The following PCDHGA1 variants were observed in gnomAD, a reference collection of about 807,000 sequenced individuals.
PCDHGA1 encodes protocadherin gamma-A1.
In PCDHGA1, 32 loss-of-function variants were observed where a neutral mutation model predicts 58.0. That is an observed-to-expected ratio of 0.55 (90% CI 0.42 to 0.74). PCDHGA1 has a LOEUF of 0.74. PCDHGA1 is among the 30% of genes least tolerant of loss of function. The pLI is 0.00. For missense variants in PCDHGA1, 1,205 were observed against 1,182.3 expected (o/e 1.02, Z -0.28); for synonymous variants, 498 against 501.1 (o/e 0.99, Z 0.08).
At chr5:141,495,255 G>A (rs1055329757) in intron 2 of PCDHGA1, among the ~76,000 whole-genome samples, 5 of 152,212 alleles carry the variant, frequency 3.3e-5, no homozygotes, top group African/African-American at 1.2e-4. Flanking sequence ...GGCTCAGGCA[G>A]AAAAGCATTT....
rs1429845987 is a variant in PCDHGA1 at position 141,330,909 on chromosome 5, C to T, written c.225C>T (p.Phe75=). 1.9e-6 allele frequency: 3 copies of T among 1,614,214 alleles called. No homozygotes were observed. The highest frequency in any genetic ancestry group is 2.2e-5 in the South Asian group (2 of 91,092). Residue 75 remains phenylalanine (F), a synonymous_variant, in exon 1 of 4, where the codon TTC becomes TTT. Transcript: ENST00000517417. ...TCTCCAGAGGTAGGATGCCGCTTTT[C>T]GCTCTGAATCCTAGAAGTGGCAGCT... The part of the protein sequence containing the change: ...RIVSRGRMPL[F]ALNPRSGSLI...
intron 1 of PCDHGA1, among the ~76,000 whole-genome samples, chr5:141,338,211 G>A (rs902645161): frequency 6.6e-6 from 1 of 151,952 alleles, no homozygotes; most frequent in African/African-American, 2.4e-5. Flanking sequence ...CAACCTTCAC[G>A]CTTGAGACCA....
At chr5:141,404,002 A>G in intron 1 of PCDHGA1, 2 of 1,613,928 alleles carry the variant, frequency 1.2e-6, no homozygotes, top group South Asian at 1.1e-5. Context: ...TGACCATTAC[A>G]TCTCTGTTTA....
At chr5:141,389,328 A>T in intron 1 of PCDHGA1, 1 of 1,613,972 alleles carries the variant, frequency 6.2e-7, no homozygotes. Flanking sequence ...CTTGGGGCCC[A>T]ACGGCCAAGT....
intron 1 of PCDHGA1, chr5:141,389,471 A>C: frequency 6.2e-7 from 1 of 1,613,210 alleles, no homozygotes; most frequent in Non-Finnish European, 8.5e-7. Context: ...TCGAACTCAC[A>C]CTGCAGGCCC....
chr5:141,415,514 C>G, intron 1 of PCDHGA1: 2 of 1,614,178 alleles, frequency 1.2e-6, no homozygotes, highest in Non-Finnish European at 8.5e-7. Flanking sequence ...CCCAATTATG[C>G]GGACACGCTC....
At position 141,344,977 on chromosome 5, in the gene PCDHGA1, A is replaced by G. The variant is rs368613508; in HGVS notation, c.2421+11872A>G. 14 of 1,613,822 alleles carry G rather than the reference A, an allele frequency of 8.7e-6. No homozygotes were observed. The African/African-American group carries it at 1.6e-4, about 18-fold the overall frequency. ...CTAGATTATGAGGATGCCATGTTCT[A>G]TGAAATTAAAATTGAAGCACAGGAT... On this transcript the variant is annotated intron_variant, in intron 1 of 3. Transcript: ENST00000517417.
intron 1 of PCDHGA1, chr5:141,415,696 G>A (rs867312295): frequency 2.9e-6 from 4 of 1,397,470 alleles, no homozygotes; most frequent in Non-Finnish European, 3.8e-6. Flanking sequence ...GGTGGAAAGT[G>A]TAAATGCTAA....
intron 1 of PCDHGA1, chr5:141,362,678 T>C: frequency 8.3e-7 from 1 of 1,209,742 alleles, no homozygotes; most frequent in Admixed American, 2.9e-5. Flanking sequence ...GCCTTAATTG[T>C]CTTAATCTTA....
Position 141,477,289 on chromosome 5 carries a change from T to G in PCDHGA1, c.2422-17518T>G, listed in dbSNP as rs759477848. On this transcript the variant is annotated intron_variant, in intron 1 of 3. Coordinates refer to ENST00000517417, the MANE Select transcript of PCDHGA1 (RefSeq NM_018912.3). The surrounding 1 kb of genome is among the most constrained non-coding windows in gnomAD (Gnocchi z 4.9). ...AGAACGGGCTGGTGACCTGCGAAGT[T>G]CCACCGGGTCTCCCTTTCAGCCTTA... The G allele has an allele frequency of 3.2e-5, 52 of 1,614,046 alleles. No individual in the cohort carries two copies. Among genetic ancestry groups the G allele is most frequent in the Non-Finnish European group, 4.2e-5 (50 of 1,180,040 alleles).
intron 1 of PCDHGA1, chr5:141,383,722 G>C (rs752091789): frequency 1.2e-6 from 2 of 1,613,934 alleles, no homozygotes; most frequent in East Asian, 4.5e-5. Flanking sequence ...GGGAGTCAAT[G>C]GGGAAGTGAC....
At chr5:141,423,025 G>A in intron 1 of PCDHGA1, 1 of 1,614,222 alleles carries the variant, frequency 6.2e-7, no homozygotes, top group Non-Finnish European at 8.5e-7. Context: ...CAAAGATTCA[G>A]GCCAGAACGC....
intron 1 of PCDHGA1, chr5:141,346,178 G>C (rs770120119): frequency 1.9e-6 from 3 of 1,614,056 alleles, no homozygotes; most frequent in South Asian, 2.2e-5. Context: ...TGGCGCTCAG[G>C]CTGCGGCGCT....
chr5:141,365,466 A>T (rs1456535652), intron 1 of PCDHGA1: 2 of 1,614,016 alleles, frequency 1.2e-6, no homozygotes, highest in Non-Finnish European at 1.7e-6. Context: ...TCTGGAGAAA[A>T]TGGTGAGATT....
intron 1 of PCDHGA1, chr5:141,372,764 T>C: frequency 6.2e-7 from 1 of 1,612,408 alleles, no homozygotes; most frequent in Non-Finnish European, 8.5e-7. Context: ...GGTTTGAAAG[T>C]AATGACAATC....
chr5:141,432,808 C>T lies in PCDHGA1; in HGVS notation c.2422-61999C>T, dbSNP rs1473886709. ...TCGGCAGCCTCGAGTCTCCAGCTAA[C>T]TCTGAAACCTCAGACCTCACTCTGT... On this transcript the variant is annotated intron_variant, in intron 1 of 3. Transcript: ENST00000517417. This position sits in a 1 kb window ranked among gnomAD's most constrained non-coding sequence, Gnocchi z 6.0. 6.2e-7 allele frequency: 1 copy of T among 1,613,486 alleles called. No homozygotes were observed. Among genetic ancestry groups the T allele is most frequent in the African/African-American group, 1.3e-5 (1 of 74,426 alleles).
intron 1 of PCDHGA1, chr5:141,410,014 G>C (rs1185262301): frequency 1.2e-6 from 2 of 1,613,296 alleles, no homozygotes. Context: ...ACGCCTGGCT[G>C]TCCTACCACG....
At chr5:141,384,649 C>A (rs778822731) in intron 1 of PCDHGA1, 2 of 1,614,232 alleles carry the variant, frequency 1.2e-6, no homozygotes, top group South Asian at 1.1e-5. Flanking sequence ...CTCCGCAGAG[C>A]CCGGCTACCT....
chr5:141,355,081 C>G, intron 1 of PCDHGA1: 1 of 1,417,630 alleles, frequency 7.1e-7, no homozygotes, highest in Non-Finnish European at 9.4e-7. Context: ...AAGCTTCAAG[C>G]GGAAGCCCTG....
Sources: allele counts gnomAD v4.1 joint callset (sites outside exome capture counted in the v4.1 genomes callset), GRCh38; gene constraint gnomAD v4.1.1; non-coding constraint Gnocchi (gnomAD v3.1); transcripts MANE v1.5; gene names NCBI Gene and HGNC (gene_info 2026-07-23, HGNC 2026-07-21).